Variants in NRG3 observed in about 807,000 individuals in gnomAD.
NRG3 encodes the protein pro-neuregulin-3, membrane-bound isoform.
In NRG3, 31 loss-of-function variants were observed where a neutral mutation model predicts 66.9. That is an observed-to-expected ratio of 0.46 (90% CI 0.35 to 0.63). The LOEUF (loss-of-function observed/expected upper bound fraction) is 0.63, where lower values mean the gene tolerates loss of function less well. NRG3 is among the 20% of genes least tolerant of loss of function. The pLI is 0.00. For missense variants in NRG3, 910 were observed against 878.9 expected, an observed-to-expected ratio of 1.04 and a Z score of -0.45; for synonymous variants, 393 against 359.4, an observed-to-expected ratio of 1.09 and a Z score of -1.06.
chr10:82,348,685 C>A (rs1325740981), intron 1 of NRG3, among the ~76,000 whole-genome samples: 25 of 148,044 alleles, frequency 1.7e-4, no homozygotes, highest in East Asian at 4.0e-4. Flanking sequence ...CTCCATTCTC[C>A]CCATCACTTT....
At chr10:82,198,298 T>TTTTTG (rs71007300) in intron 1 of NRG3, among the ~76,000 whole-genome samples, 74,108 of 151,052 alleles carry the variant, frequency 0.49, 19,153 homozygotes, top group Middle Eastern at 0.65. Context: ...GACAGTTTTG[T>TTTTTG]TTTTGTTTTG....
chr10:82,127,418 A>T (rs994391881), intron 1 of NRG3, among the ~76,000 whole-genome samples: 4 of 152,082 alleles, frequency 2.6e-5, no homozygotes, highest in African/African-American at 9.7e-5. Flanking sequence ...CTTATGTTTC[A>T]TAATGTACAG....
intron 1 of NRG3, among the ~76,000 whole-genome samples, chr10:82,290,524 G>C (rs2079663207): frequency 6.6e-6 from 1 of 152,096 alleles, no homozygotes; most frequent in Non-Finnish European, 1.5e-5. Context: ...AAGCTGAAAA[G>C]TGTATTAATT....
At chr10:82,738,351 A>T (rs1485853683) in intron 2 of NRG3, among the ~76,000 whole-genome samples, 1 of 152,224 alleles carries the variant, frequency 6.6e-6, no homozygotes, top group Non-Finnish European at 1.5e-5. Flanking sequence ...TAGATATTGC[A>T]TATCAAACTA....
intron 1 of NRG3, among the ~76,000 whole-genome samples, chr10:82,356,389 T>C (rs1156914561): frequency 6.6e-6 from 1 of 152,210 alleles, no homozygotes; most frequent in African/African-American, 2.4e-5. Flanking sequence ...TAACTGATCA[T>C]GAGTTAATAT....
At chr10:82,627,015 A>G (rs79620063) in intron 2 of NRG3, among the ~76,000 whole-genome samples, 3 of 143,150 alleles carry the variant, frequency 2.1e-5, no homozygotes, top group Non-Finnish European at 3.1e-5. Context: ...TTTTTTTTTT[A>G]CCATATTGAT....
chr10:82,164,480 ATTAACCAACCCCTCT>A (rs894754496), intron 1 of NRG3, among the ~76,000 whole-genome samples: 4 of 152,226 alleles, frequency 2.6e-5, no homozygotes, highest in Middle Eastern at 3.4e-3. Context: ...ATTTGTACTC[ATTAACCAACCCCTCT>A]TTATCACTCT....
chr10:82,364,522 T>C (rs564059789), intron 2 of NRG3, among the ~76,000 whole-genome samples: 1 of 152,282 alleles, frequency 6.6e-6, no homozygotes, highest in East Asian at 1.9e-4. Context: ...ATGTTGGCAA[T>C]GGTGCTATGT....
intron 2 of NRG3, among the ~76,000 whole-genome samples, chr10:82,420,233 A>T (rs1287094995): frequency 1.3e-5 from 2 of 152,126 alleles, no homozygotes; most frequent in Admixed American, 6.6e-5. Flanking sequence ...ATCCTCAGAG[A>T]TCTTGTCACA....
At chr10:82,049,460 C>A (rs753789189) in intron 1 of NRG3, among the ~76,000 whole-genome samples, 4 of 152,186 alleles carry the variant, frequency 2.6e-5, no homozygotes, top group Non-Finnish European at 4.4e-5. Context: ...AATCCTACTT[C>A]TTTACATTTA....
chr10:82,854,031 A>C (rs1469665231), intron 3 of NRG3, among the ~76,000 whole-genome samples: 1 of 152,188 alleles, frequency 6.6e-6, no homozygotes, highest in African/African-American at 2.4e-5. Context: ...ATGAGAAAGA[A>C]AATTGGTGGG....
Position 82,207,851 on chromosome 10 carries a change from A to T in NRG3, c.824-150888A>T, listed in dbSNP as rs114254663. Among the ~76,000 whole-genome samples, 4 of 152,168 alleles carry T rather than the reference A, an allele frequency of 2.6e-5. No individual in the cohort carries two copies. The East Asian group carries it at 5.8e-4, about 22-fold the overall frequency. Reference sequence around the variant, plus strand: ...GGGGAGAAACTGCCCCCATGATTCAATTACCTCCACCTGGTGTCTCCCTTG... The same window carrying T: ...GGGGAGAAACTGCCCCCATGATTCATTTACCTCCACCTGGTGTCTCCCTTG... On this transcript the variant is annotated intron_variant, in intron 1 of 8. Transcript: ENST00000372141.
chr10:82,233,201 A>T (rs1458048822), intron 1 of NRG3, among the ~76,000 whole-genome samples: 1 of 152,128 alleles, frequency 6.6e-6, no homozygotes, highest in Non-Finnish European at 1.5e-5. Flanking sequence ...CGTCTCTACT[A>T]AAAATACAAA....
chr10:82,038,335 C>G (rs1449017283), intron 1 of NRG3, among the ~76,000 whole-genome samples: 1 of 152,112 alleles, frequency 6.6e-6, no homozygotes, highest in Non-Finnish European at 1.5e-5. Flanking sequence ...TGTCCTGAGC[C>G]CTTTCCAAAC....
rs374564211 is a variant in NRG3, at chr10:82,022,055, G to A, written c.823+145892G>A. On this transcript the variant is annotated intron_variant, in intron 1 of 8. Transcript: ENST00000372141. The stretch of plus-strand genomic sequence containing the variant: ...AAAGGCAGCATCAAATTCTGAATGG[G>A]CATCACTGATTCATTTACACATCTG... Among the ~76,000 whole-genome samples, 100 of 151,766 alleles carry A rather than the reference G, an allele frequency of 6.6e-4. 1 individual carries two copies. Among genetic ancestry groups the A allele is most frequent in the African/African-American group, 2.3e-3 (94 of 41,364 alleles).
intron 1 of NRG3, among the ~76,000 whole-genome samples, chr10:82,081,839 C>G (rs1411942543): frequency 6.6e-6 from 1 of 152,160 alleles, no homozygotes; most frequent in African/African-American, 2.4e-5. Context: ...CTGATTTGAA[C>G]TGGCTGAGTT....
chr10:82,007,284 A>G (rs922068602), intron 1 of NRG3, among the ~76,000 whole-genome samples: 9 of 144,844 alleles, frequency 6.2e-5, no homozygotes, highest in African/African-American at 2.3e-4. Context: ...ATCTTGGCTC[A>G]CTGCAACCTC....
chr10:82,488,008 A>C (rs1017710475), intron 2 of NRG3, among the ~76,000 whole-genome samples: 2 of 152,204 alleles, frequency 1.3e-5, no homozygotes, highest in African/African-American at 4.8e-5. Flanking sequence ...TATGTGTGCC[A>C]AATGTTTTTC....
chr10:82,102,987 A>C (rs142591285), intron 1 of NRG3, among the ~76,000 whole-genome samples: 161 of 152,136 alleles, frequency 1.1e-3, no homozygotes, highest in African/African-American at 3.7e-3. Context: ...TTTTTCTTTC[A>C]TCTGAAGTAC....
Sources: allele counts gnomAD v4.1 joint callset (sites outside exome capture counted in the v4.1 genomes callset), GRCh38; gene constraint gnomAD v4.1.1; transcripts MANE v1.5; gene names NCBI Gene and HGNC (gene_info 2026-07-23, HGNC 2026-07-21).